Variants in CREM observed in about 807,000 individuals in gnomAD.
CREM encodes the protein cAMP-responsive element modulator.
In CREM, 13 loss-of-function variants were observed where a neutral mutation model predicts 37.3. The ratio of observed to expected loss-of-function variants is 0.35; its 90% CI spans 0.23 to 0.55. The LOEUF (loss-of-function observed/expected upper bound fraction) is 0.55. CREM is among the 20% of genes least tolerant of loss of function. The pLI, the probability that CREM is intolerant of heterozygous loss-of-function variation, is 0.88. For synonymous variants in CREM, 124 were observed against 120.2 expected (o/e 1.03, Z -0.21); for missense variants, 296 against 362.3 (o/e 0.82, Z 1.49).
intron 6 of CREM, among the ~76,000 whole-genome samples, chr10:35,194,735 C>CA (rs1218689332): frequency 7.5e-6 from 1 of 133,880 alleles, no homozygotes; most frequent in Non-Finnish European, 1.6e-5. Context: ...TGCTGATAGT[C>CA]AATGTGTTTT....
At chr10:35,170,146 TA>T (rs1215895616) in intron 3 of CREM, among the ~76,000 whole-genome samples, 1 of 152,004 alleles carries the variant, frequency 6.6e-6, no homozygotes, top group African/African-American at 2.4e-5. Flanking sequence ...TTGTATTTTT[TA>T]GTAGAAACGG....
At position 35,127,144 on chromosome 10, in the gene CREM, C is replaced by G. The variant is rs1223029181; in HGVS notation, c.-104C>G. ...GTCGGGCTCGCCGTCTCCACCTCCTCGCGTCCGTAATCAGTGACGAGGTCC... is the reference window on the plus strand; with the variant it reads ...GTCGGGCTCGCCGTCTCCACCTCCTGGCGTCCGTAATCAGTGACGAGGTCC... On this transcript the variant is annotated 5_prime_UTR_variant, in exon 1 of 8. Transcript: ENST00000685392. The G allele has an allele frequency of 1.3e-5, 2 of 152,714 alleles. No homozygotes were observed. The highest frequency in any genetic ancestry group is 2.4e-5 in the African/African-American group (1 of 41,450). 9.5% of individuals were successfully genotyped at this position (152,714 alleles called of 1,614,324 possible). A position where few individuals can be genotyped will look rare whatever the true frequency, so the allele number is the denominator to read the frequency against.
intron 1 of CREM, among the ~76,000 whole-genome samples, chr10:35,132,559 A>G (rs2089626252): frequency 6.6e-6 from 1 of 152,144 alleles, no homozygotes; most frequent in South Asian, 2.1e-4. Flanking sequence ...TATTAAAGAC[A>G]TTTACAAGTG....
At chr10:35,209,342 T>G (rs1164144877) in intron 7 of CREM, 1 of 985,330 alleles carries the variant, frequency 1.0e-6, no homozygotes, top group African/African-American at 1.7e-5. Flanking sequence ...TGCCTTGCAC[T>G]TCCTCTCCGT....
At chr10:35,132,509 TAGAG>T (rs1467004648) in intron 1 of CREM, among the ~76,000 whole-genome samples, 2 of 152,244 alleles carry the variant, frequency 1.3e-5, no homozygotes. Flanking sequence ...GAATCTATAT[TAGAG>T]AGCCTCGTGA....
intron 1 of CREM, among the ~76,000 whole-genome samples, chr10:35,135,724 A>G (rs1234816621): frequency 9.0e-6 from 1 of 111,598 alleles, no homozygotes; most frequent in South Asian, 3.0e-4. Context: ...ATTTCTGGAA[A>G]AAAAAAAAAA....
At chr10:35,191,442 T>C (rs1035758090) in intron 6 of CREM, among the ~76,000 whole-genome samples, 3 of 151,968 alleles carry the variant, frequency 2.0e-5, no homozygotes, top group African/African-American at 7.2e-5. Context: ...TCTCTTTTTT[T>C]CTTTTCCTTA....
At chr10:35,190,754 C>T (rs982859700) in intron 6 of CREM, among the ~76,000 whole-genome samples, 8 of 152,098 alleles carry the variant, frequency 5.3e-5, no homozygotes, top group African/African-American at 1.2e-4. Context: ...CTCCACCTCC[C>T]GGGTTCACGC....
chr10:35,150,691 C>A (rs1403751782), intron 3 of CREM, among the ~76,000 whole-genome samples: 1 of 151,804 alleles, frequency 6.6e-6, no homozygotes, highest in Non-Finnish European at 1.5e-5. Context: ...TATGGTGGCA[C>A]ACGCCTGTAG....
intron 3 of CREM, among the ~76,000 whole-genome samples, chr10:35,158,930 A>G (rs1564839184): frequency 6.6e-6 from 1 of 151,412 alleles, no homozygotes; most frequent in Admixed American, 6.6e-5. Context: ...TTCAAGCAAC[A>G]TATATATCAG....
chr10:35,149,938 A>ACACACACACACACACACACACC (rs796295851), intron 3 of CREM, among the ~76,000 whole-genome samples: 7 of 145,434 alleles, frequency 4.8e-5, no homozygotes, highest in Admixed American at 3.5e-4. Context: ...ACACACACAC[A>ACACACACACACACACACACACC]CCCTTGTTAA....
chr10:35,194,116 A>AAAAAAAAAAAAAAAAAAAAAAC (rs2095045360), intron 6 of CREM, among the ~76,000 whole-genome samples: 1 of 150,108 alleles, frequency 6.7e-6, no homozygotes, highest in Non-Finnish European at 1.5e-5. Context: ...AAAAAAAAAA[A>AAAAAAAAAAAAAAAAAAAAAAC]AAAAAAAAGA....
intron 7 of CREM, among the ~76,000 whole-genome samples, chr10:35,207,970 A>G (rs551225484): frequency 6.6e-6 from 1 of 152,220 alleles, no homozygotes; most frequent in Non-Finnish European, 1.5e-5. Flanking sequence ...ATTTTTAAAA[A>G]TAATGATTAA....
rs538951554 is a variant in CREM, at chr10:35,166,731, A to G, written c.169-12158A>G. Among the ~76,000 whole-genome samples, 5 of 152,166 alleles carry G rather than the reference A, an allele frequency of 3.3e-5. No individual in the cohort carries two copies. In the East Asian group the frequency reaches 9.7e-4, roughly 29 times the overall value. ...GCAACAGAGCTGAACTCTGTCTCCA[A>G]CTCAAAACAAAAAACACCTTCATGG... On this transcript the variant is annotated intron_variant, in intron 3 of 7. Transcript: ENST00000685392.
At chr10:35,158,374 C>A in intron 3 of CREM, 1 of 240,856 alleles carries the variant, frequency 4.2e-6, no homozygotes, top group Non-Finnish European at 8.2e-6. Context: ...AGAAGGTTTC[C>A]AAGGCCCACA....
chr10:35,151,936 A>G (rs796339764), intron 3 of CREM, among the ~76,000 whole-genome samples: 1 of 152,216 alleles, frequency 6.6e-6, no homozygotes, highest in South Asian at 2.1e-4. Flanking sequence ...CTATCATACA[A>G]TAGTATATGT....
chr10:35,195,491 C>T (rs116593634), intron 6 of CREM, among the ~76,000 whole-genome samples: 2 of 151,912 alleles, frequency 1.3e-5, no homozygotes, highest in Admixed American at 6.6e-5. Flanking sequence ...CTCTTCCCCT[C>T]CTCTTCTCTT....
intron 5 of CREM, among the ~76,000 whole-genome samples, chr10:35,180,301 A>G (rs2094299056): frequency 6.6e-6 from 1 of 152,224 alleles, no homozygotes; most frequent in Admixed American, 6.5e-5. Flanking sequence ...TTTTAGATAT[A>G]TTCTTTGTTT....
At chr10:35,207,755 CAGTG>C (rs974572648) in intron 7 of CREM, among the ~76,000 whole-genome samples, 9 of 151,532 alleles carry the variant, frequency 5.9e-5, no homozygotes, top group Admixed American at 2.0e-4. Context: ...GCCTGGGTGA[CAGTG>C]AGACTCCGTC....
Sources: allele counts gnomAD v4.1 joint callset (sites outside exome capture counted in the v4.1 genomes callset), GRCh38; gene constraint gnomAD v4.1.1; transcripts MANE v1.5; gene names NCBI Gene and HGNC (gene_info 2026-07-23, HGNC 2026-07-21).